DCLK1: variants seen among roughly 807,000 people sequenced by gnomAD.
DCLK1 encodes serine/threonine-protein kinase DCLK1.
Under a neutral mutation model 86.2 loss-of-function variants are expected in DCLK1, and 16 were observed. The observed-to-expected ratio is 0.19, with a 90% CI of 0.13 to 0.28. DCLK1 has a LOEUF of 0.28. DCLK1 is among the 10% of genes least tolerant of loss of function. DCLK1 has a pLI of 1.00. For synonymous variants in DCLK1, 369 were observed against 370.5 expected, an observed-to-expected ratio of 1.00 and a Z score of 0.05; for missense variants, 590 against 940.2, an observed-to-expected ratio of 0.63 and a Z score of 4.87.
intron 8 of DCLK1, among the ~76,000 whole-genome samples, chr13:35,833,263 A>G (rs1053497898): frequency 3.3e-5 from 5 of 152,122 alleles, no homozygotes; most frequent in South Asian, 2.1e-4. Context: ...GCTCATGACT[A>G]TATCACCCCA....
intron 4 of DCLK1, among the ~76,000 whole-genome samples, chr13:35,941,151 C>T (rs1013948064): frequency 6.6e-6 from 1 of 152,270 alleles, no homozygotes; most frequent in South Asian, 2.1e-4. Context: ...CAATACTGTT[C>T]CTACTATTCC....
intron 4 of DCLK1, among the ~76,000 whole-genome samples, chr13:35,884,054 A>T (rs1873080523): frequency 6.6e-6 from 1 of 152,216 alleles, no homozygotes; most frequent in Non-Finnish European, 1.5e-5. Flanking sequence ...AACCTGGGGC[A>T]CTTAAAAAAA....
At chr13:35,797,311 A>G (rs2086832815) in intron 15 of DCLK1, among the ~76,000 whole-genome samples, 1 of 152,126 alleles carries the variant, frequency 6.6e-6, no homozygotes, top group African/African-American at 2.4e-5. Context: ...TCTTTTCAGA[A>G]ACTTGCCTTC....
At chr13:35,849,948 T>G (rs1045666229) in intron 6 of DCLK1, 1 of 956,514 alleles carries the variant, frequency 1.0e-6, no homozygotes, top group African/African-American at 1.8e-5. Context: ...ATACAATCTA[T>G]AGCAATGCCA....
At chr13:35,794,896 T>G (rs971895251) in intron 15 of DCLK1, among the ~76,000 whole-genome samples, 1 of 152,158 alleles carries the variant, frequency 6.6e-6, no homozygotes, top group African/African-American at 2.4e-5. Flanking sequence ...CAGGGCCACA[T>G]GAAGTGCCGA....
chr13:35,916,554 C>T (rs897710451), intron 4 of DCLK1, among the ~76,000 whole-genome samples: 1 of 152,142 alleles, frequency 6.6e-6, no homozygotes, highest in African/African-American at 2.4e-5. Flanking sequence ...TGATCCTGCC[C>T]TTCTCCTTTG....
intron 3 of DCLK1, among the ~76,000 whole-genome samples, chr13:35,949,344 A>G (rs1877544409): frequency 1.3e-5 from 2 of 152,224 alleles, no homozygotes; most frequent in Non-Finnish European, 2.9e-5. Flanking sequence ...ACACAGCATC[A>G]TGCAGACAGA....
chr13:35,805,763 A>G lies in DCLK1; in HGVS notation c.1880T>C (p.Met627Thr), dbSNP rs916631884. The G allele has an allele frequency of 4.3e-6, 7 of 1,613,704 alleles. No individual in the cohort carries two copies. In the East Asian group the frequency reaches 6.7e-5, roughly 15 times the overall value. Residue 627 changes from methionine (M) to threonine (T), a missense_variant, in exon 15 of 17, where the codon ATG (methionine) becomes ACG (threonine). Coordinates refer to ENST00000360631, the MANE Select transcript of DCLK1 (RefSeq NM_001330071.2). ...TCGCTGATCTACATCGACCAACAGC[A>G]TCATGGTAATGAGCTCCTGTGAAGG... Reference protein sequence around the residue: ...SDSAKELITMMLLVDVDQRFS... With the variant: ...SDSAKELITMTLLVDVDQRFS...
intron 10 of DCLK1, among the ~76,000 whole-genome samples, chr13:35,826,550 A>AGGAGGGAGGGAGGGAGGGAGGGAGGGAGG (rs1351890514): frequency 1.0e-4 from 3 of 28,690 alleles, no homozygotes; most frequent in Non-Finnish European, 2.5e-4. Context: ...AAAGAAAGAA[A>AGGAGGGAGGGAGGGAGGGAGGGAGGGAGG]GAAAGAAAGA....
At chr13:35,848,764 T>G (rs1870394048) in intron 6 of DCLK1, 1 of 985,240 alleles carries the variant, frequency 1.0e-6, no homozygotes, top group African/African-American at 1.7e-5. Context: ...AAAGTAACTG[T>G]TCCACTGCTT....
intron 3 of DCLK1, among the ~76,000 whole-genome samples, chr13:35,976,680 G>T (rs957253819): frequency 6.6e-6 from 1 of 151,660 alleles, no homozygotes; most frequent in East Asian, 1.9e-4. Flanking sequence ...ACAGGCGCCC[G>T]CCACTGCGCC....
chr13:35,990,063 G>A (rs1167674802), intron 3 of DCLK1, among the ~76,000 whole-genome samples: 3 of 152,034 alleles, frequency 2.0e-5, no homozygotes, highest in African/African-American at 7.2e-5. Context: ...TATATCTGAA[G>A]GTGGCACACT....
rs191929585 is a variant in DCLK1, at chr13:36,076,170, A to G, written c.723+35699T>C. Among the ~76,000 whole-genome samples, 626 of 152,340 alleles carry G rather than the reference A, an allele frequency of 4.1e-3. 5 individuals are homozygous for G. Among genetic ancestry groups the G allele is most frequent in the African/African-American group, 0.014 (566 of 41,580 alleles). ...GAAATCACTGCACAAAAAGTGTTTC[A>G]CTGTGAGAAAATTATGTTAAAAAAT... On this transcript the variant is annotated intron_variant, in intron 3 of 16. Coordinates refer to ENST00000360631, the MANE Select transcript of DCLK1 (RefSeq NM_001330071.2).
At chr13:35,780,256 G>T (rs1417580415) in intron 16 of DCLK1, among the ~76,000 whole-genome samples, 1 of 152,086 alleles carries the variant, frequency 6.6e-6, no homozygotes, top group African/African-American at 2.4e-5. Flanking sequence ...ATAGGCTTGA[G>T]GCTCCATGAA....
intron 4 of DCLK1, among the ~76,000 whole-genome samples, chr13:35,923,366 C>T (rs545761132): frequency 2.0e-5 from 3 of 151,756 alleles, no homozygotes; most frequent in Admixed American, 6.6e-5. Flanking sequence ...ATGCCACTAG[C>T]TTCACTTTCT....
At chr13:35,875,218 C>A (rs1593688215) in intron 4 of DCLK1, among the ~76,000 whole-genome samples, 1 of 152,132 alleles carries the variant, frequency 6.6e-6, no homozygotes, top group Non-Finnish European at 1.5e-5. Flanking sequence ...GGGCAGATGA[C>A]CAGAACTTTT....
At chr13:35,923,415 G>T (rs891738871) in intron 4 of DCLK1, among the ~76,000 whole-genome samples, 1 of 151,806 alleles carries the variant, frequency 6.6e-6, no homozygotes, top group Non-Finnish European at 1.5e-5. Flanking sequence ...CTGTTGAAGG[G>T]CATCTGAGTC....
At chr13:35,884,377 A>G (rs1234567472) in intron 4 of DCLK1, among the ~76,000 whole-genome samples, 1 of 152,222 alleles carries the variant, frequency 6.6e-6, no homozygotes, top group Non-Finnish European at 1.5e-5. Flanking sequence ...GTGGAACAAG[A>G]GTTCATATAT....
intron 3 of DCLK1, among the ~76,000 whole-genome samples, chr13:36,000,447 T>A (rs1880662263): frequency 6.6e-6 from 1 of 152,158 alleles, no homozygotes; most frequent in African/African-American, 2.4e-5. Context: ...ACAAGCTTCA[T>A]CACCTAATGG....
Sources: gnomAD v4.1 joint callset for allele counts (sites outside exome capture counted in the v4.1 genomes callset) on GRCh38, gnomAD v4.1.1 for gene constraint, MANE v1.5 for transcripts, NCBI Gene and HGNC (gene_info 2026-07-23, HGNC 2026-07-21) for gene names.